Variants in TTC17 observed in about 807,000 individuals in gnomAD.
The protein encoded by TTC17 is tetratricopeptide repeat domain 17.
Under a neutral mutation model 143.8 loss-of-function variants are expected in TTC17, and 58 were observed. That is an observed-to-expected ratio of 0.40 (90% CI 0.33 to 0.50). The LOEUF is 0.50. Ranked by LOEUF, TTC17 falls within the 20% of genes least tolerant of loss-of-function variation. TTC17 has a pLI of 0.49. For synonymous variants in TTC17, 501 were observed against 497.8 expected, an observed-to-expected ratio of 1.01 and a Z score of -0.09; for missense variants, 1,273 against 1,392.5, an observed-to-expected ratio of 0.91 and a Z score of 1.37.
intron 16 of TTC17, 115 bp from the exon 17 acceptor site, chr11:43,443,210 T>C: frequency 8.4e-7 from 1 of 1,188,752 alleles, no homozygotes; most frequent in Non-Finnish European, 1.2e-6. Context: ...CATTGGGCTA[T>C]AGTAGTGCCT....
intron 21 of TTC17, among the ~76,000 whole-genome samples, chr11:43,455,474 A>T (rs2134770176): frequency 6.6e-6 from 1 of 152,248 alleles, no homozygotes; most frequent in African/African-American, 2.4e-5. Context: ...AACCTAATAA[A>T]GGAAAAGGAG....
At chr11:43,436,264 A>G in intron 16 of TTC17, 4 of 1,450,310 alleles carry the variant, frequency 2.8e-6, no homozygotes, top group South Asian at 1.5e-5. Context: ...CCTCTGAGAG[A>G]GGAACAGAGG....
At chr11:43,455,113 A>T (rs1947738319) in intron 21 of TTC17, among the ~76,000 whole-genome samples, 1 of 151,568 alleles carries the variant, frequency 6.6e-6, no homozygotes, top group Non-Finnish European at 1.5e-5. Context: ...AACTAACAAT[A>T]TAAAAGCCCT....
At position 43,391,892 on chromosome 11, in the gene TTC17, TA is replaced by T; in HGVS notation, c.606del (p.Lys202AsnfsTer3). 6.2e-7 allele frequency: 1 copy of T among 1,613,918 alleles called. No homozygotes were observed. The highest frequency in any genetic ancestry group is 8.5e-7 in the Non-Finnish European group (1 of 1,179,968). Reference sequence around the variant, plus strand: ...AAGACCCAATCTTCACATATTTATCTAAACGGTTAGGAAGGAGTATAGATGA... The same window carrying T: ...AAGACCCAATCTTCACATATTTATCTAACGGTTAGGAAGGAGTATAGATGA... The part of the protein sequence containing the change: ...KEDPIFTYLS[K>X]RLGRSIDDIG... On this transcript the variant is annotated frameshift_variant, in exon 5 of 24. Transcript: ENST00000039989. LOFTEE classifies it high-confidence loss of function.
At chr11:43,379,584 G>T (rs967034272) in intron 2 of TTC17, among the ~76,000 whole-genome samples, 1 of 151,900 alleles carries the variant, frequency 6.6e-6, no homozygotes, top group Non-Finnish European at 1.5e-5. Flanking sequence ...ATTTATCTTT[G>T]AACAGAATTT....
intron 21 of TTC17, among the ~76,000 whole-genome samples, chr11:43,456,551 T>C (rs1947767421): frequency 6.6e-6 from 1 of 152,084 alleles, no homozygotes; most frequent in East Asian, 1.9e-4. Context: ...CAGATAAACT[T>C]CTAAAATCAT....
At chr11:43,443,653 T>A (rs1242940416) in intron 17 of TTC17, 69 bp downstream of exon 17, 1 of 1,533,466 alleles carries the variant, frequency 6.5e-7, no homozygotes, top group Non-Finnish European at 8.8e-7. Context: ...ATATGCAAAG[T>A]GGGAAGTTTC....
chr11:43,372,742 C>G (rs1217311286), intron 1 of TTC17, among the ~76,000 whole-genome samples: 1 of 152,096 alleles, frequency 6.6e-6, no homozygotes, highest in Non-Finnish European at 1.5e-5. Context: ...CCACCCGCCT[C>G]AGCCTGCCAA....
At chr11:43,403,889 A>AT in intron 10 of TTC17, 109 bp from the exon 11 acceptor site, 1 of 923,470 alleles carries the variant, frequency 1.1e-6, no homozygotes, top group Non-Finnish European at 1.6e-6. Flanking sequence ...CTACTTTCTG[A>AT]TTTTCTACTA....
At chr11:43,385,275 G>A (rs1857127681) in intron 2 of TTC17, among the ~76,000 whole-genome samples, 1 of 152,158 alleles carries the variant, frequency 6.6e-6, no homozygotes, top group Non-Finnish European at 1.5e-5. Context: ...ATAACATACA[G>A]TGTTTTCAAG....
rs1367229559 is a variant in TTC17 at position 43,480,899 on chromosome 11, AAAGCATTC to A, written c.3031-9336_3031-9329del. 2.6e-4 allele frequency among the ~76,000 whole-genome samples: 39 copies of A among 152,136 alleles called. No individual in the cohort carries two copies. In the East Asian group the frequency reaches 7.3e-3, roughly 29 times the overall value. On this transcript the variant is annotated intron_variant, in intron 21 of 23. Coordinates refer to ENST00000039989, the MANE Select transcript of TTC17 (RefSeq NM_018259.6). The stretch of plus-strand genomic sequence containing the variant: ...ATACAAGAAAATGCAAAAAAAAAAA[AAAGCATTC>A]AAGAATCTGGACAAATATAAAATGA...
At chr11:43,486,606 A>G (rs11602193) in intron 21 of TTC17, among the ~76,000 whole-genome samples, 14,206 of 152,262 alleles carry the variant, frequency 0.093, 810 homozygotes, top group Middle Eastern at 0.16. Context: ...GTGTGAGGAT[A>G]GAATGGTGTA....
At chr11:43,402,544 GACAGCAAGT>G (rs1391544615) in intron 10 of TTC17, among the ~76,000 whole-genome samples, 1 of 151,766 alleles carries the variant, frequency 6.6e-6, no homozygotes, top group East Asian at 1.9e-4. Context: ...AAGTGGTACA[GACAGCAAGT>G]ACAGCCAGAA....
chr11:43,401,339 T>G (rs1474017752), intron 9 of TTC17, 107 bp from the exon 10 acceptor site: 2 of 658,912 alleles, frequency 3.0e-6, no homozygotes, highest in African/African-American at 1.8e-5. Context: ...AGTAGCCTGC[T>G]AGGCTCTGAG....
chr11:43,467,154 C>A (rs1451649275), intron 21 of TTC17, among the ~76,000 whole-genome samples: 2 of 152,150 alleles, frequency 1.3e-5, no homozygotes, highest in East Asian at 3.8e-4. Flanking sequence ...CTATATGATT[C>A]AGCAGTTCCA....
chr11:43,410,464 C>T (rs1015997195), intron 15 of TTC17, among the ~76,000 whole-genome samples: 4 of 152,088 alleles, frequency 2.6e-5, no homozygotes, highest in African/African-American at 9.7e-5. Context: ...CCTGTGACGT[C>T]TCCTGGATAT....
intron 19 of TTC17, 150 bp from the exon 20 acceptor site, chr11:43,449,932 T>A: frequency 1.2e-6 from 1 of 852,732 alleles, no homozygotes; most frequent in Non-Finnish European, 1.8e-6. Context: ...AGAAGAAAAC[T>A]TACTTCGTTT....
chr11:43,379,320 G>A lies in TTC17; in HGVS notation c.247G>A (p.Glu83Lys). The A allele has an allele frequency of 6.2e-7, 1 of 1,611,526 alleles. No homozygotes were observed. The highest frequency in any genetic ancestry group is 2.2e-5 in the East Asian group (1 of 44,696). Residue 83 changes from glutamate to lysine, a missense_variant and splice_region_variant, in exon 2 of 24, where the codon GAG becomes AAG. Coordinates refer to ENST00000039989, the MANE Select transcript of TTC17 (RefSeq NM_018259.6). The part of the protein sequence containing the change: ...EATVNYLKEL[E>K]KQLVAQKIHI... ...AACAGTTAACTACCTCAAAGAATTA[G>A]AGGTGAGGCAACTGGGCATGTGAGA...
At chr11:43,371,131 A>G (rs1289533608) in intron 1 of TTC17, among the ~76,000 whole-genome samples, 2 of 152,056 alleles carry the variant, frequency 1.3e-5, no homozygotes, top group African/African-American at 4.8e-5. Context: ...TTATAAGTAC[A>G]TTGTGAATGG....
Sources: allele counts gnomAD v4.1 joint callset (sites outside exome capture counted in the v4.1 genomes callset), GRCh38; gene constraint gnomAD v4.1.1; transcripts MANE v1.5; gene names NCBI Gene and HGNC (gene_info 2026-07-23, HGNC 2026-07-21).